Variants in F2 observed in about 807,000 individuals in gnomAD.
F2 encodes the protein coagulation factor II, thrombin.
F2 carries 34 observed loss-of-function variants against 81.9 expected under a neutral mutation model. The ratio of observed to expected loss-of-function variants is 0.42; its 90% CI spans 0.32 to 0.55. The LOEUF is 0.55. F2 is among the 20% of genes least tolerant of loss of function. F2 has a pLI of 0.18. For synonymous variants in F2, 296 were observed against 326.4 expected (o/e 0.91, Z 1.01); for missense variants, 630 against 833.4 (o/e 0.76, Z 3.00).
intron 12 of F2, among the ~76,000 whole-genome samples, chr11:46,734,444 G>T (rs1195599238): frequency 6.6e-6 from 1 of 152,014 alleles, no homozygotes; most frequent in Non-Finnish European, 1.5e-5. Context: ...TTCTGGCCAT[G>T]CAGTTTAAAA....
At chr11:46,732,544 T>C (rs2064919950) in intron 12 of F2, among the ~76,000 whole-genome samples, 1 of 151,884 alleles carries the variant, frequency 6.6e-6, no homozygotes, top group Non-Finnish European at 1.5e-5. Flanking sequence ...ATTACAGGCA[T>C]GTGCCACCAC....
At chr11:46,731,566 T>C (rs2064911873) in intron 12 of F2, among the ~76,000 whole-genome samples, 1 of 137,808 alleles carries the variant, frequency 7.3e-6, no homozygotes. Context: ...CTAATGTCTT[T>C]TATAGGGAAA....
At chr11:46,731,508 ATAT>A (rs1308766434) in intron 12 of F2, among the ~76,000 whole-genome samples, 2 of 151,760 alleles carry the variant, frequency 1.3e-5, no homozygotes, top group Non-Finnish European at 2.9e-5. Context: ...TGATGATACA[ATAT>A]TATTGTCTAA....
In F2 at chr11:46,726,436, G is replaced by T. The variant is rs960929447; in HGVS notation, c.875-62G>T. 6.3e-7 allele frequency: 1 copy of T among 1,582,696 alleles called. No individual in the cohort carries two copies. The highest frequency in any genetic ancestry group is 8.6e-7 in the Non-Finnish European group (1 of 1,165,138). ...CCAAGGCCCGTAGGGGAATTGGGGG[G>T]ATCTAGGGGATGGGTGAGGAATGGC... On this transcript the variant is annotated intron_variant, in intron 7 of 13. Coordinates refer to ENST00000311907, the MANE Select transcript of F2 (RefSeq NM_000506.5). This position sits in a 1 kb window ranked among gnomAD's most constrained non-coding sequence, Gnocchi z 5.9.
In F2 at chr11:46,719,979, C is replaced by T. The variant is rs1176813902; in HGVS notation, c.240+117C>T. 3.6e-6 allele frequency: 5 copies of T among 1,373,352 alleles called. No individual in the cohort carries two copies. The South Asian group carries it at 5.0e-5, about 14-fold the overall frequency. 85.1% of individuals were successfully genotyped at this position (1,373,352 alleles called of 1,614,324 possible). ...CCCTTCGCTGCTCACAGCCTCATTTCAACTCTGAGCCCCTCCTCACAGGGC... is the reference window on the plus strand; with the variant it reads ...CCCTTCGCTGCTCACAGCCTCATTTTAACTCTGAGCCCCTCCTCACAGGGC... On this transcript the variant is annotated intron_variant, in intron 2 of 13. Coordinates refer to ENST00000311907, the MANE Select transcript of F2 (RefSeq NM_000506.5). This position sits in a 1 kb window ranked among gnomAD's most constrained non-coding sequence, Gnocchi z 4.7.
At chr11:46,720,653 C>A in intron 3 of F2, 106 bp downstream of exon 3, 4 of 1,501,536 alleles carry the variant, frequency 2.7e-6, no homozygotes, top group Admixed American at 1.7e-5. Context: ...ACCCATCCAC[C>A]CCTTCCCCAC....
Position 46,726,495 on chromosome 11 carries a change from C to T in F2, c.875-3C>T, listed in dbSNP as rs1347205555. 2 of 1,612,784 alleles carry T rather than the reference C, an allele frequency of 1.2e-6. No homozygotes were observed. The highest frequency in any genetic ancestry group is 3.3e-5 in the Admixed American group (2 of 59,896). ...GTCCCAGCCGGTGCCTGGGTCCCAACAGAGGAGGCCGTGGAGGAGGAGACA... is the reference window on the plus strand; with the variant it reads ...GTCCCAGCCGGTGCCTGGGTCCCAATAGAGGAGGCCGTGGAGGAGGAGACA... On this transcript the variant is annotated splice_polypyrimidine_tract_variant and splice_region_variant and intron_variant, in intron 7 of 13. Coordinates refer to ENST00000311907, the MANE Select transcript of F2 (RefSeq NM_000506.5). This position sits in a 1 kb window ranked among gnomAD's most constrained non-coding sequence, Gnocchi z 5.9.
chr11:46,737,698 A>G (rs1354460487), intron 12 of F2, among the ~76,000 whole-genome samples: 4 of 152,078 alleles, frequency 2.6e-5, no homozygotes, highest in African/African-American at 9.7e-5. Flanking sequence ...TCAGCCTCCC[A>G]AAGTGCTGGT....
At chr11:46,727,117 G>T (rs761732391) in intron 9 of F2, among the ~76,000 whole-genome samples, 7 of 152,184 alleles carry the variant, frequency 4.6e-5, no homozygotes, top group Non-Finnish European at 1.0e-4. Context: ...TGCCTTCCGG[G>T]TTCAAACGAT....
intron 12 of F2, among the ~76,000 whole-genome samples, chr11:46,733,610 A>G (rs946551390): frequency 6.6e-6 from 1 of 152,088 alleles, no homozygotes; most frequent in Non-Finnish European, 1.5e-5. Flanking sequence ...ACCAGTTTGC[A>G]TTTCCATCAC....
In F2 at chr11:46,726,507, T is replaced by C; in HGVS notation, c.884T>C (p.Val295Ala). The change falls in exon 8 of 14, where the codon GTG becomes GCG. Residue 295 changes from valine (V) to alanine (A), a missense_variant. Transcript: ENST00000311907. The surrounding 1 kb of genome is among the most constrained non-coding windows in gnomAD (Gnocchi z 5.9). ...YCDLNYCEEA[V>A]EEETGDGLDE... ...GCCTGGGTCCCAACAGAGGAGGCCG[T>C]GGAGGAGGAGACAGGAGATGGGCTG... The C allele has an allele frequency of 6.2e-7, 1 of 1,613,608 alleles. No individual in the cohort carries two copies.
intron 6 of F2, among the ~76,000 whole-genome samples, chr11:46,724,331 G>A (rs753869726): frequency 1.3e-5 from 2 of 152,184 alleles, no homozygotes; most frequent in Non-Finnish European, 2.9e-5. Context: ...GTCAACTGAC[G>A]GAGGTTGGCC....
rs1463295861 is a variant in F2, at chr11:46,739,455, T to A, written c.*47T>A. 1.2e-6 allele frequency: 2 copies of A among 1,611,950 alleles called. No homozygotes were observed. Among genetic ancestry groups the A allele is most frequent in the Non-Finnish European group, 1.7e-6 (2 of 1,179,260 alleles). On this transcript the variant is annotated 3_prime_UTR_variant, in exon 14 of 14. Coordinates refer to ENST00000311907, the MANE Select transcript of F2 (RefSeq NM_000506.5). ...TCCTGGAACCAATCCCGTGAAAGAATTATTTTTGTGTTTCTAAAACTATGG... is the reference window on the plus strand; with the variant it reads ...TCCTGGAACCAATCCCGTGAAAGAAATATTTTTGTGTTTCTAAAACTATGG...
At chr11:46,730,770 G>A (rs532413535) in intron 12 of F2, among the ~76,000 whole-genome samples, 1 of 144,776 alleles carries the variant, frequency 6.9e-6, no homozygotes, top group African/African-American at 2.5e-5. Flanking sequence ...TCCATTCTGT[G>A]GATGTGTGGG....
At position 46,729,450 on chromosome 11, in the gene F2, G is replaced by A. The variant is rs768375621; in HGVS notation, c.1543G>A (p.Val515Ile). The A allele has an allele frequency of 1.9e-5, 30 of 1,614,178 alleles. No homozygotes were observed. Among genetic ancestry groups the A allele is most frequent in the Non-Finnish European group, 2.2e-5 (26 of 1,180,034 alleles). The stretch of plus-strand genomic sequence containing the variant: ...CCTGAAGGAGACGTGGACAGCCAAC[G>A]TTGGTAAGGGGCAGCCCAGTGTCCT... ...GNLKETWTAN[V>I]GKGQPSVLQV... Residue 515 changes from valine to isoleucine, a missense_variant, in exon 12 of 14, where the codon GTT (valine) becomes ATT (isoleucine). Physicochemically the swap from Val to Ile is conservative, Grantham distance 29. Coordinates refer to ENST00000311907, the MANE Select transcript of F2 (RefSeq NM_000506.5).
At chr11:46,737,006 CTCTTA>C (rs765345105) in intron 12 of F2, among the ~76,000 whole-genome samples, 2 of 152,046 alleles carry the variant, frequency 1.3e-5, no homozygotes, top group Non-Finnish European at 2.9e-5. Context: ...GCAATGTATT[CTCTTA>C]TAATTTTTTC....
intron 2 of F2, chr11:46,720,300 C>T (rs890079296): frequency 4.9e-6 from 3 of 612,170 alleles, no homozygotes; most frequent in Admixed American, 5.3e-5. Flanking sequence ...TCCCATCTCC[C>T]CCAGCCTCTT....
Position 46,719,498 on chromosome 11 carries a change from AAT to A in F2, c.79+188_79+189del, listed in dbSNP as rs1183023037. 439 of 953,594 alleles carry A rather than the reference AAT, an allele frequency of 4.6e-4. 1 individual carries two copies. The highest frequency in any genetic ancestry group is 7.7e-5 in the Non-Finnish European group (48 of 621,460). The allele number at this position is 953,594 out of a possible 1,614,324, so 59.1% of individuals were successfully genotyped here. A position where few individuals can be genotyped will look rare whatever the true frequency, so the allele number is the denominator to read the frequency against. On this transcript the variant is annotated intron_variant, in intron 1 of 13. Transcript: ENST00000311907. The surrounding 1 kb of genome is among the most constrained non-coding windows in gnomAD (Gnocchi z 4.7). ...AAGAGAATGGCTGCTTCTCTCTTCCAATATAGGGAGCAGGCTGGGGGCAAGGG... is the reference window on the plus strand; with the variant it reads ...AAGAGAATGGCTGCTTCTCTCTTCCAATAGGGAGCAGGCTGGGGGCAAGGG...
At chr11:46,727,931 C>A in intron 9 of F2, 65 bp from the exon 10 acceptor site, 1 of 1,528,472 alleles carries the variant, frequency 6.5e-7, no homozygotes, top group Non-Finnish European at 8.8e-7. Context: ...ATTGTTACTT[C>A]TAGGGCTGGT....
Sources: allele counts gnomAD v4.1 joint callset (sites outside exome capture counted in the v4.1 genomes callset), GRCh38; gene constraint gnomAD v4.1.1; non-coding constraint Gnocchi (gnomAD v3.1); transcripts MANE v1.5; gene names NCBI Gene and HGNC (gene_info 2026-07-23, HGNC 2026-07-21).